The following RANBP2 variants were observed in gnomAD, a reference collection of about 807,000 sequenced individuals.
RANBP2 encodes RAN binding protein 2.
In RANBP2, 57 loss-of-function variants were observed where a neutral mutation model predicts 303.6. That is an observed-to-expected ratio of 0.19 (90% CI 0.15 to 0.23). The LOEUF (loss-of-function observed/expected upper bound fraction) is 0.23. Ranked by LOEUF, RANBP2 falls within the 10% of genes least tolerant of loss-of-function variation. RANBP2 has a pLI of 1.00. For missense variants in RANBP2, 3,138 were observed against 3,780.8 expected, an observed-to-expected ratio of 0.83 and a Z score of 4.46; for synonymous variants, 1,167 against 1,301.5, an observed-to-expected ratio of 0.90 and a Z score of 2.23.
the RANBP2 span, among the ~76,000 whole-genome samples, chr2:109,288,710 C>G: frequency 6.6e-6 from 1 of 152,178 alleles, no homozygotes; most frequent in Non-Finnish European, 1.5e-5. Flanking sequence ...ATTGCTGGAC[C>G]TGACCCCTGT....
At chr2:109,575,563 A>T in the RANBP2 span, among the ~76,000 whole-genome samples, 1 of 152,378 alleles carries the variant, frequency 6.6e-6, no homozygotes, top group South Asian at 2.1e-4. Context: ...GTGCATGTGC[A>T]GAGCAGTGTG....
the RANBP2 span, among the ~76,000 whole-genome samples, chr2:109,447,162 AAAAAAAG>A: frequency 3.3e-5 from 5 of 151,296 alleles, no homozygotes; most frequent in African/African-American, 1.2e-4. Context: ...AAAAAAAAAA[AAAAAAAG>A]AAAAGAAAAA....
chr2:108,826,264 A>T, the RANBP2 span, among the ~76,000 whole-genome samples: 1 of 152,216 alleles, frequency 6.6e-6, no homozygotes. Flanking sequence ...AAATTTTTAT[A>T]AAGTCCAATT....
the RANBP2 span, among the ~76,000 whole-genome samples, chr2:109,296,371 G>A: frequency 6.6e-6 from 1 of 151,846 alleles, no homozygotes; most frequent in Non-Finnish European, 1.5e-5. Context: ...GGGATTACAG[G>A]TGTGCACCAC....
the RANBP2 span, among the ~76,000 whole-genome samples, chr2:109,751,434 C>A: frequency 1.7e-4 from 25 of 146,864 alleles, no homozygotes; most frequent in Non-Finnish European, 3.3e-4. Flanking sequence ...TCCAGCATTG[C>A]CATGTAAGGT....
intron 18 of RANBP2, among the ~76,000 whole-genome samples, chr2:108,759,646 A>G (rs2557909): frequency 4.6e-5 from 7 of 152,182 alleles, no homozygotes; most frequent in African/African-American, 1.2e-4. Flanking sequence ...TCTTTGTGAA[A>G]TCAAGCTTAT....
chr2:109,698,467 GA>G, the RANBP2 span, among the ~76,000 whole-genome samples: 18 of 145,260 alleles, frequency 1.2e-4, no homozygotes, highest in African/African-American at 3.3e-4. Flanking sequence ...CCCCATTTCA[GA>G]AAAAAAAAAT....
chr2:109,006,075 C>T, the RANBP2 span, among the ~76,000 whole-genome samples: 2 of 152,226 alleles, frequency 1.3e-5, no homozygotes, highest in East Asian at 3.8e-4. Context: ...CCGGCAGTCA[C>T]GTGGCTGCCC....
the RANBP2 span, among the ~76,000 whole-genome samples, chr2:109,573,249 A>G: frequency 3.9e-5 from 6 of 152,228 alleles, no homozygotes; most frequent in Admixed American, 3.9e-4. Context: ...TTGCAAGATC[A>G]GACAGCTAAT....
the RANBP2 span, among the ~76,000 whole-genome samples, chr2:109,510,647 C>G: frequency 6.6e-6 from 1 of 152,202 alleles, no homozygotes; most frequent in Non-Finnish European, 1.5e-5. Context: ...TCTGAGCACC[C>G]ACAGCCCCTT....
At chr2:108,779,612 G>A (rs182401477) in intron 25 of RANBP2, among the ~76,000 whole-genome samples, 1 of 152,190 alleles carries the variant, frequency 6.6e-6, no homozygotes, top group Admixed American at 6.5e-5. Flanking sequence ...GAAGGTGTAG[G>A]GTTCTTTAAG....
At chr2:108,874,409 G>A in the RANBP2 span, among the ~76,000 whole-genome samples, 2 of 152,044 alleles carry the variant, frequency 1.3e-5, no homozygotes, top group East Asian at 1.9e-4. Context: ...TAAGGACATC[G>A]ATTTTAAGTT....
the RANBP2 span, among the ~76,000 whole-genome samples, chr2:109,377,036 G>A: frequency 5.9e-5 from 9 of 152,334 alleles, no homozygotes; most frequent in Admixed American, 5.2e-4. Context: ...CTCAGAGTCC[G>A]GGCTATTTTG....
At chr2:108,808,897 C>T in the RANBP2 span, among the ~76,000 whole-genome samples, 31 of 152,118 alleles carry the variant, frequency 2.0e-4, 1 homozygote, top group East Asian at 1.9e-4. Context: ...TTTGCCCAGG[C>T]GATTGTCGTG....
the RANBP2 span, among the ~76,000 whole-genome samples, chr2:109,677,228 G>C: frequency 6.6e-6 from 1 of 152,122 alleles, no homozygotes; most frequent in Non-Finnish European, 1.5e-5. Context: ...AGCCAGCCAG[G>C]AGTCAGTGGG....
chr2:109,672,120 T>C, the RANBP2 span, among the ~76,000 whole-genome samples: 185 of 152,376 alleles, frequency 1.2e-3, no homozygotes, highest in African/African-American at 4.2e-3. Context: ...TTTAAAATAT[T>C]GGTCCATTAC....
At chr2:109,668,809 T>C in the RANBP2 span, among the ~76,000 whole-genome samples, 2 of 152,230 alleles carry the variant, frequency 1.3e-5, no homozygotes, top group African/African-American at 4.8e-5. Context: ...AGATACAAAA[T>C]GAGAGCAGGC....
chr2:108,819,039 A>T, the RANBP2 span, among the ~76,000 whole-genome samples: 11 of 152,250 alleles, frequency 7.2e-5, no homozygotes, highest in Non-Finnish European at 1.2e-4. Context: ...ACTATGTGTT[A>T]CAAGTAAAGA....
the RANBP2 span, among the ~76,000 whole-genome samples, chr2:109,117,608 C>T: frequency 6.6e-6 from 1 of 152,242 alleles, no homozygotes. Flanking sequence ...ATGCCTCGCC[C>T]TGCTTCAGCT....
Sources: gnomAD v4.1 joint callset for allele counts (sites outside exome capture counted in the v4.1 genomes callset) on GRCh38, gnomAD v4.1.1 for gene constraint, MANE v1.5 for transcripts, NCBI Gene and HGNC (gene_info 2026-07-23, HGNC 2026-07-21) for gene names.